The following NCOA6 variants were observed in gnomAD, a reference collection of about 807,000 sequenced individuals.
NCOA6 encodes the protein NRC RAP250.
In NCOA6, 49 loss-of-function variants were observed where a neutral mutation model predicts 171.4. The ratio of observed to expected loss-of-function variants is 0.29; its 90% confidence interval spans 0.23 to 0.36. The LOEUF (loss-of-function observed/expected upper bound fraction) is 0.36. Among genes scored for constraint, NCOA6 ranks in the 10% least tolerant of loss-of-function variants. The pLI, the probability that NCOA6 is intolerant of heterozygous loss-of-function variation, is 1.00. For missense variants in NCOA6, 2,248 were observed against 2,554.5 expected (o/e 0.88, Z 2.59); for synonymous variants, 910 against 927.5 (o/e 0.98, Z 0.34).
intron 3 of NCOA6, among the ~76,000 whole-genome samples, chr20:34,777,073 C>T (rs764168298): frequency 2.4e-4 from 35 of 144,844 alleles, no homozygotes; most frequent in African/African-American, 8.0e-4. Context: ...GCCAAGACTG[C>T]GCCACTGCAC....
chr20:34,727,459 C>CA, intron 13 of NCOA6, 52 bp from the exon 14 acceptor site: 4 of 1,587,792 alleles, frequency 2.5e-6, no homozygotes, highest in East Asian at 2.2e-5. Flanking sequence ...CCAGGCCACA[C>CA]AAAAAACGGG....
intron 5 of NCOA6, among the ~76,000 whole-genome samples, chr20:34,761,549 G>A (rs1314058811): frequency 2.0e-5 from 3 of 150,998 alleles, no homozygotes; most frequent in African/African-American, 7.3e-5. Flanking sequence ...ATTAATATTT[G>A]GTATTTACTG....
At chr20:34,809,525 A>C in intron 1 of NCOA6, 1 of 398,620 alleles carries the variant, frequency 2.5e-6, no homozygotes. Flanking sequence ...CCCAGGACCT[A>C]AACAAAAAAG....
intron 3 of NCOA6, among the ~76,000 whole-genome samples, chr20:34,779,324 A>T (rs898902659): frequency 6.6e-6 from 1 of 151,980 alleles, no homozygotes; most frequent in African/African-American, 2.4e-5. Context: ...CACCCTGGGC[A>T]ACATAGTGAG....
Position 34,757,652 on chromosome 20 carries a change from C to T in NCOA6, c.1096G>A (p.Val366Ile), listed in dbSNP as rs2076682432. The T allele has an allele frequency of 6.2e-7, 1 of 1,613,940 alleles. No individual in the cohort carries two copies. Among genetic ancestry groups the T allele is most frequent in the African/African-American group, 1.3e-5 (1 of 74,868 alleles). Residue 366 changes from valine to isoleucine, a missense_variant, in exon 7 of 15, where the codon GTA becomes ATA. Physicochemically the swap from Val to Ile is conservative, Grantham distance 29. Transcript: ENST00000359003. ...GGGGGAGGGTGGGAAGGCGTCTGTA[C>T]CGTGGCTAAGGATGGTCTTGCCTGG... is the stretch of plus-strand genomic sequence containing the variant. ...QLQARPSLATVQTPSHPPPPY... is the reference protein window; with the variant it reads ...QLQARPSLATIQTPSHPPPPY...
chr20:34,755,006 T>C, intron 7 of NCOA6, 138 bp from the exon 8 acceptor site: 3 of 800,578 alleles, frequency 3.7e-6, no homozygotes. Context: ...GGATCTTTAA[T>C]AATAAGGTTG....
Position 34,714,790 on chromosome 20 carries a change from T to A in NCOA6, c.*532A>T, listed in dbSNP as rs1220580169. The A allele has an allele frequency of 6.5e-6, 1 of 153,080 alleles. No individual in the cohort carries two copies. Among genetic ancestry groups the A allele is most frequent in the Non-Finnish European group, 1.5e-5 (1 of 68,330 alleles). The allele number at this position is 153,080 out of a possible 1,614,324, so 9.5% of individuals were successfully genotyped here. ...ACCCAAAAATCCCTTACCAATAACA[T>A]AACTTTATGTTCTATGACAATGACA... On this transcript the variant is annotated 3_prime_UTR_variant, in exon 15 of 15. Coordinates refer to ENST00000359003, the MANE Select transcript of NCOA6 (RefSeq NM_014071.5).
intron 14 of NCOA6, among the ~76,000 whole-genome samples, chr20:34,722,504 C>G (rs918795952): frequency 6.6e-5 from 10 of 151,718 alleles, no homozygotes; most frequent in African/African-American, 2.4e-4. Context: ...CACAGGGAGA[C>G]CCCATCTCTA....
chr20:34,804,671 A>G (rs2078383475), intron 1 of NCOA6, among the ~76,000 whole-genome samples: 1 of 152,078 alleles, frequency 6.6e-6, no homozygotes, highest in Admixed American at 6.6e-5. Flanking sequence ...AAAATATATA[A>G]AACATGTTAC....
intron 12 of NCOA6, 50 bp downstream of exon 12, chr20:34,736,640 T>G (rs1646726031): frequency 6.8e-7 from 1 of 1,465,136 alleles, no homozygotes; most frequent in African/African-American, 1.4e-5. Flanking sequence ...AGTAGTTCCT[T>G]CACATGTAAC....
chr20:34,790,364 A>T (rs2077832863), intron 2 of NCOA6, among the ~76,000 whole-genome samples: 1 of 151,838 alleles, frequency 6.6e-6, no homozygotes, highest in African/African-American at 2.4e-5. Context: ...TTATTTATTT[A>T]ATTATTTTGA....
In NCOA6 at chr20:34,800,857, C is replaced by T. The variant is rs527302443; in HGVS notation, c.-163-8294G>A. 1.2e-4 allele frequency among the ~76,000 whole-genome samples: 18 copies of T among 152,264 alleles called. No homozygotes were observed. In the South Asian group the frequency reaches 3.7e-3, roughly 32 times the overall value. On this transcript the variant is annotated intron_variant, in intron 1 of 14. Coordinates refer to ENST00000359003, the MANE Select transcript of NCOA6 (RefSeq NM_014071.5). ...CAGATGTAATCTGCACTACAGACTA[C>T]ATGAACTTAATAAGATATTTACAGA...
chr20:34,769,520 C>T (rs1325228681), intron 4 of NCOA6, among the ~76,000 whole-genome samples: 1 of 151,968 alleles, frequency 6.6e-6, no homozygotes, highest in African/African-American at 2.4e-5. Flanking sequence ...CCCACCACCA[C>T]GCCCAGCTAA....
intron 2 of NCOA6, among the ~76,000 whole-genome samples, chr20:34,790,909 C>T (rs2077859603): frequency 6.6e-6 from 1 of 152,144 alleles, no homozygotes; most frequent in African/African-American, 2.4e-5. Flanking sequence ...CCTCAGCCTC[C>T]CAAAGTGTTG....
intron 2 of NCOA6, among the ~76,000 whole-genome samples, chr20:34,786,753 A>G (rs978827786): frequency 2.6e-5 from 4 of 152,148 alleles, no homozygotes; most frequent in African/African-American, 9.7e-5. Flanking sequence ...AATGGTGCTG[A>G]AAGAACTGGC....
chr20:34,762,919 A>G (rs2076860969), intron 5 of NCOA6, among the ~76,000 whole-genome samples: 1 of 152,176 alleles, frequency 6.6e-6, no homozygotes, highest in Non-Finnish European at 1.5e-5. Context: ...TTATATCCTC[A>G]GCACTTTGAA....
At chr20:34,785,816 C>A (rs1359309923) in intron 2 of NCOA6, among the ~76,000 whole-genome samples, 2 of 150,000 alleles carry the variant, frequency 1.3e-5, no homozygotes, top group African/African-American at 4.9e-5. Flanking sequence ...TCTGGAAAAT[C>A]TTCTACTGGC....
chr20:34,728,806 G>T (rs1322514859), intron 13 of NCOA6, among the ~76,000 whole-genome samples: 1 of 152,126 alleles, frequency 6.6e-6, no homozygotes, highest in Non-Finnish European at 1.5e-5. Context: ...ATTATTTAAT[G>T]ACAAAACGAT....
Position 34,750,387 on chromosome 20 carries a change from T to C in NCOA6, c.1808A>G (p.Gln603Arg). Residue 603 changes from glutamine (Q) to arginine (R), a missense_variant, in exon 9 of 15, where the codon CAA (glutamine) becomes CGA (arginine). By Grantham distance (43) the Gln-to-Arg change is conservative (BLOSUM62 1). Coordinates refer to ENST00000359003, the MANE Select transcript of NCOA6 (RefSeq NM_014071.5). ...GCCTTGCATGTTGCTGAGGTTCACT[T>C]GAGGAACCCCAGAAGTACCAGCCTG... The part of the protein sequence containing the change: ...NQQAGTSGVP[Q>R]VNLSNMQGQP... 6.2e-7 allele frequency: 1 copy of C among 1,614,112 alleles called. No individual in the cohort carries two copies.
Sources: gnomAD v4.1 joint callset for allele counts (sites outside exome capture counted in the v4.1 genomes callset) on GRCh38, gnomAD v4.1.1 for gene constraint, MANE v1.5 for transcripts, NCBI Gene and HGNC (gene_info 2026-07-23, HGNC 2026-07-21) for gene names.